The following PPFIA2 variants were observed in gnomAD, a reference collection of about 807,000 sequenced individuals.
PPFIA2 encodes the protein PPFI scaffold protein A2.
A neutral mutation model predicts 175.5 loss-of-function variants in PPFIA2; 46 were observed. The ratio of observed to expected loss-of-function variants is 0.26; its 90% CI spans 0.21 to 0.34. The LOEUF (loss-of-function observed/expected upper bound fraction) is 0.34. PPFIA2 is among the 10% of genes least tolerant of loss of function. PPFIA2 has a pLI of 1.00. For synonymous variants in PPFIA2, 568 were observed against 511.4 expected (o/e 1.11, Z -1.49); for missense variants, 1,179 against 1,506.1 (o/e 0.78, Z 3.60).
At chr12:81,703,964 C>T (rs1270686471) in intron 3 of PPFIA2, among the ~76,000 whole-genome samples, 2 of 152,132 alleles carry the variant, frequency 1.3e-5, no homozygotes, top group African/African-American at 4.8e-5. Flanking sequence ...ATTCCTCAAC[C>T]ATTTGTTCCT....
At chr12:81,312,672 G>A (rs1176544029) in intron 22 of PPFIA2, among the ~76,000 whole-genome samples, 2 of 152,122 alleles carry the variant, frequency 1.3e-5, no homozygotes, top group Non-Finnish European at 2.9e-5. Flanking sequence ...CCTAGTTTGA[G>A]GATCTGAAAA....
At chr12:81,474,257 A>G (rs1446005032) in intron 4 of PPFIA2, among the ~76,000 whole-genome samples, 1 of 152,128 alleles carries the variant, frequency 6.6e-6, no homozygotes, top group African/African-American at 2.4e-5. Context: ...CCCGGTTTCA[A>G]GCAATTCTTG....
intron 4 of PPFIA2, chr12:81,597,911 A>T (rs200477912): frequency 4.6e-6 from 7 of 1,522,398 alleles, no homozygotes; most frequent in Non-Finnish European, 6.2e-6. Flanking sequence ...TTGACAATAC[A>T]TTAACTTACT....
At chr12:81,392,633 T>C (rs1413381726) in intron 8 of PPFIA2, among the ~76,000 whole-genome samples, 4 of 151,982 alleles carry the variant, frequency 2.6e-5, no homozygotes, top group Non-Finnish European at 2.9e-5. Flanking sequence ...AAAATATATA[T>C]TCCTAAAATT....
intron 4 of PPFIA2, among the ~76,000 whole-genome samples, chr12:81,485,350 T>G (rs1306231178): frequency 6.6e-6 from 1 of 151,766 alleles, no homozygotes; most frequent in South Asian, 2.1e-4. Flanking sequence ...TAATACACTT[T>G]ATATAATTAT....
At chr12:81,509,699 C>G (rs1426374219) in intron 4 of PPFIA2, among the ~76,000 whole-genome samples, 1 of 151,758 alleles carries the variant, frequency 6.6e-6, no homozygotes, top group African/African-American at 2.4e-5. Context: ...CCTCTACTCA[C>G]TTCTACAACC....
chr12:81,405,778 G>A lies in PPFIA2; in HGVS notation c.762+9C>T. On this transcript the variant is annotated intron_variant, in intron 8 of 32. Coordinates refer to ENST00000549396, the MANE Select transcript of PPFIA2 (RefSeq NM_003625.5). ...ATTTCCATGTAAGAGCATGTGGGGT[G>A]TGTCATACCTTCTCATGGACTTTCT... 1 of 1,441,462 alleles carries A rather than the reference G, an allele frequency of 6.9e-7. No individual in the cohort carries two copies. The highest frequency in any genetic ancestry group is 9.5e-7 in the Non-Finnish European group (1 of 1,049,222). 89.3% of individuals were successfully genotyped at this position (1,441,462 alleles called of 1,614,324 possible).
intron 4 of PPFIA2, among the ~76,000 whole-genome samples, chr12:81,513,515 C>T (rs941382767): frequency 6.6e-6 from 1 of 151,732 alleles, no homozygotes; most frequent in African/African-American, 2.4e-5. Flanking sequence ...TCCCATCAAC[C>T]CAGTGGTTAA....
intron 8 of PPFIA2, among the ~76,000 whole-genome samples, chr12:81,384,815 A>G (rs1169497192): frequency 6.6e-6 from 1 of 152,148 alleles, no homozygotes; most frequent in East Asian, 1.9e-4. Flanking sequence ...TTATTTCTAT[A>G]TTGCTATTAA....
At chr12:81,409,960 A>G (rs1447109070) in intron 7 of PPFIA2, among the ~76,000 whole-genome samples, 1 of 152,118 alleles carries the variant, frequency 6.6e-6, no homozygotes, top group Non-Finnish European at 1.5e-5. Flanking sequence ...GTTGAAACCT[A>G]GGGCTCAATG....
intron 4 of PPFIA2, 194 bp downstream of exon 4, chr12:81,676,597 T>C (rs2072554560): frequency 2.8e-6 from 1 of 362,074 alleles, no homozygotes; most frequent in Non-Finnish European, 5.0e-6. Flanking sequence ...TTTTATGAGT[T>C]GTTAAAACTT....
At chr12:81,665,611 A>G (rs1051732118) in intron 4 of PPFIA2, among the ~76,000 whole-genome samples, 1 of 152,042 alleles carries the variant, frequency 6.6e-6, no homozygotes, top group African/African-American at 2.4e-5. Context: ...TTTAGAGAGG[A>G]CTTGCGTTTG....
chr12:81,513,032 C>T (rs767318764), intron 4 of PPFIA2, among the ~76,000 whole-genome samples: 15 of 151,806 alleles, frequency 9.9e-5, no homozygotes, highest in Non-Finnish European at 2.1e-4. Context: ...AGAATTGACA[C>T]AGAACTCAAC....
At chr12:81,537,959 A>C (rs534276979) in intron 4 of PPFIA2, among the ~76,000 whole-genome samples, 1 of 151,898 alleles carries the variant, frequency 6.6e-6, no homozygotes, top group Admixed American at 6.6e-5. Flanking sequence ...CAGTGGATCA[A>C]TCTCTCAAAC....
At chr12:81,657,869 T>A (rs1266820875) in intron 4 of PPFIA2, among the ~76,000 whole-genome samples, 1 of 152,006 alleles carries the variant, frequency 6.6e-6, no homozygotes, top group East Asian at 1.9e-4. Flanking sequence ...TCCAAAAAAA[T>A]AAAAATAACC....
chr12:81,296,072 G>A (rs921001682), intron 23 of PPFIA2, among the ~76,000 whole-genome samples: 10 of 152,216 alleles, frequency 6.6e-5, no homozygotes, highest in East Asian at 3.9e-4. Flanking sequence ...TTGGGAGGCT[G>A]AGATGACTGG....
chr12:81,581,732 GAACA>G (rs921815841), intron 4 of PPFIA2, among the ~76,000 whole-genome samples: 15 of 8,782 alleles, frequency 1.7e-3, no homozygotes, highest in Non-Finnish European at 9.8e-3. Context: ...AAAACAAAAC[GAACA>G]AACAAACAAA....
intron 3 of PPFIA2, among the ~76,000 whole-genome samples, chr12:81,734,660 A>C (rs1276445129): frequency 6.6e-6 from 1 of 151,802 alleles, no homozygotes; most frequent in South Asian, 2.1e-4. Flanking sequence ...GGAGCCATGG[A>C]AAGTTATTTT....
At chr12:81,477,326 TCA>T (rs2146524324) in intron 4 of PPFIA2, among the ~76,000 whole-genome samples, 1 of 152,290 alleles carries the variant, frequency 6.6e-6, no homozygotes. Flanking sequence ...GAAAAGGCTT[TCA>T]CCTGGAAAGC....
Sources: allele counts gnomAD v4.1 joint callset (sites outside exome capture counted in the v4.1 genomes callset), GRCh38; gene constraint gnomAD v4.1.1; transcripts MANE v1.5; gene names NCBI Gene and HGNC (gene_info 2026-07-23, HGNC 2026-07-21).